Variants in SGIP1 observed in about 807,000 individuals in gnomAD.
The protein encoded by SGIP1 is SH3-containing GRB2-like protein 3-interacting protein 1.
A neutral mutation model predicts 107.5 loss-of-function variants in SGIP1; 38 were observed. The ratio of observed to expected loss-of-function variants is 0.35; its 90% CI spans 0.27 to 0.46. SGIP1 has a LOEUF of 0.46. Ranked by LOEUF, SGIP1 falls within the 20% of genes least tolerant of loss-of-function variation. The pLI, the probability that SGIP1 is intolerant of heterozygous loss-of-function variation, is 1.00. For missense variants in SGIP1, 929 were observed against 1,019.5 expected (o/e 0.91, Z 1.21); for synonymous variants, 365 against 366.1 (o/e 1.00, Z 0.03).
At chr1:66,566,420 T>C (rs145389357) in intron 1 of SGIP1, among the ~76,000 whole-genome samples, 1 of 152,120 alleles carries the variant, frequency 6.6e-6, no homozygotes, top group Non-Finnish European at 1.5e-5. Flanking sequence ...ATTTTTTCCA[T>C]CAAGAAAAGA....
Position 66,682,358 on chromosome 1 carries a change from G to A in SGIP1, c.1304G>A (p.Gly435Glu). Residue 435 changes from glycine to glutamate, a missense_variant, in exon 15 of 25, where the codon GGG (glycine) becomes GAG (glutamate). By Grantham distance (98) the Gly-to-Glu change is moderately conservative (BLOSUM62 -2). Coordinates refer to ENST00000371037, the MANE Select transcript of SGIP1 (RefSeq NM_032291.4). ...SPGPGSGPGP[G>E]TTSGASSPAR... ...GGACCTGGCTCGGGCCCTGGTCCGG[G>A]GACCACCAGTGGTATGTCTTATGCT... The A allele has an allele frequency of 6.2e-7, 1 of 1,610,838 alleles. No individual in the cohort carries two copies. The highest frequency in any genetic ancestry group is 1.7e-5 in the Admixed American group (1 of 59,076).
chr1:66,587,552 G>A (rs1489829089), intron 1 of SGIP1, among the ~76,000 whole-genome samples: 1 of 151,894 alleles, frequency 6.6e-6, no homozygotes, highest in Non-Finnish European at 1.5e-5. Flanking sequence ...CTTTTTTGGG[G>A]CCTCTTGTTA....
intron 19 of SGIP1, among the ~76,000 whole-genome samples, chr1:66,728,071 T>C (rs933054660): frequency 1.1e-4 from 16 of 152,190 alleles, no homozygotes. Flanking sequence ...TGTTTTTCCT[T>C]CCACGCTATC....
intron 13 of SGIP1, among the ~76,000 whole-genome samples, chr1:66,678,144 C>G (rs2085810052): frequency 6.6e-6 from 1 of 152,206 alleles, no homozygotes; most frequent in Admixed American, 6.5e-5. Flanking sequence ...ATTTGAACCA[C>G]AGTGGCATGA....
chr1:66,677,629 T>C (rs1455514582), intron 13 of SGIP1, among the ~76,000 whole-genome samples: 2 of 152,224 alleles, frequency 1.3e-5, no homozygotes, highest in African/African-American at 4.8e-5. Context: ...TCAGTCTGGC[T>C]TCTTCCAGCA....
intron 18 of SGIP1, among the ~76,000 whole-genome samples, chr1:66,710,467 G>A (rs1401821257): frequency 1.3e-5 from 2 of 152,082 alleles, no homozygotes; most frequent in East Asian, 3.9e-4. Flanking sequence ...CTTTGTCCCA[G>A]TGTTCACTAT....
chr1:66,681,775 A>T, intron 14 of SGIP1, 94 bp from the exon 15 acceptor site: 1 of 1,332,112 alleles, frequency 7.5e-7, no homozygotes, highest in South Asian at 1.4e-5. Flanking sequence ...GGCACCTCAG[A>T]CACCAATGTA....
At chr1:66,553,963 G>T (rs115205511) in intron 1 of SGIP1, among the ~76,000 whole-genome samples, 16 of 152,076 alleles carry the variant, frequency 1.1e-4, no homozygotes, top group Non-Finnish European at 1.6e-4. Context: ...TGTCCAGCAG[G>T]ATGTGTCTGG....
At chr1:66,559,800 G>A (rs1161245494) in intron 1 of SGIP1, among the ~76,000 whole-genome samples, 1 of 152,074 alleles carries the variant, frequency 6.6e-6, no homozygotes, top group Non-Finnish European at 1.5e-5. Context: ...TTCCAACCCA[G>A]TTATTTAGCC....
At chr1:66,534,108 C>A, upstream of SGIP1, 1 of 580,022 alleles carries the variant, frequency 1.7e-6, no homozygotes, top group South Asian at 2.1e-5. Flanking sequence ...GCAGCGCAGG[C>A]GGTGCAGCTC....
At chr1:66,676,517 T>C (rs1331732266) in intron 12 of SGIP1, among the ~76,000 whole-genome samples, 1 of 152,234 alleles carries the variant, frequency 6.6e-6, no homozygotes, top group Non-Finnish European at 1.5e-5. Context: ...TTTCTTTTTA[T>C]GATGCTGTAA....
intron 22 of SGIP1, among the ~76,000 whole-genome samples, chr1:66,740,205 A>C (rs2094403251): frequency 1.3e-5 from 2 of 152,216 alleles, no homozygotes; most frequent in Admixed American, 6.5e-5. Context: ...AACTGAATAG[A>C]TACATTGTGC....
intron 24 of SGIP1, among the ~76,000 whole-genome samples, chr1:66,742,434 G>GAATATAA (rs1355087152): frequency 7.1e-6 from 1 of 140,788 alleles, no homozygotes; most frequent in Non-Finnish European, 1.5e-5. Flanking sequence ...ATCCAAATTG[G>GAATATAA]AATATAAGTT....
intron 1 of SGIP1, among the ~76,000 whole-genome samples, chr1:66,558,498 G>A (rs1266871639): frequency 6.6e-6 from 1 of 151,816 alleles, no homozygotes; most frequent in African/African-American, 2.4e-5. Flanking sequence ...AATACTGAAA[G>A]TATATAATAC....
chr1:66,743,057 C>G lies in SGIP1; in HGVS notation c.2465-16C>G. 1.2e-6 allele frequency: 2 copies of G among 1,613,346 alleles called. No homozygotes were observed. The highest frequency in any genetic ancestry group is 1.3e-5 in the African/African-American group (1 of 74,988). ...AACTACCAGATAACCTGTTGACATG[C>G]TGTTTTGTTTTGCAGGAAAATACTT... On this transcript the variant is annotated splice_polypyrimidine_tract_variant and intron_variant, in intron 24 of 24. Coordinates refer to ENST00000371037, the MANE Select transcript of SGIP1 (RefSeq NM_032291.4).
At chr1:66,570,742 C>T (rs948814140) in intron 1 of SGIP1, among the ~76,000 whole-genome samples, 3 of 151,900 alleles carry the variant, frequency 2.0e-5, no homozygotes, top group Admixed American at 2.0e-4. Flanking sequence ...TTTTTGTCCT[C>T]ATCACTTGCT....
intron 7 of SGIP1, among the ~76,000 whole-genome samples, chr1:66,654,480 AT>A (rs538195828): frequency 6.6e-5 from 10 of 152,024 alleles, no homozygotes; most frequent in Admixed American, 5.2e-4. Flanking sequence ...AATTATACTT[AT>A]TTTTTTACTA....
chr1:66,566,300 A>C (rs1234080218), intron 1 of SGIP1, among the ~76,000 whole-genome samples: 2 of 152,032 alleles, frequency 1.3e-5, no homozygotes, highest in Admixed American at 6.6e-5. Context: ...GGGGCCATCA[A>C]CTTTCTTAGG....
chr1:66,564,201 T>C (rs1482530051), intron 1 of SGIP1, among the ~76,000 whole-genome samples: 7 of 151,984 alleles, frequency 4.6e-5, no homozygotes. Context: ...TTCAGCTGAC[T>C]CACTCTATCA....
Sources: allele counts gnomAD v4.1 joint callset (sites outside exome capture counted in the v4.1 genomes callset), GRCh38; gene constraint gnomAD v4.1.1; transcripts MANE v1.5; gene names NCBI Gene and HGNC (gene_info 2026-07-23, HGNC 2026-07-21).